ILKAP: variants seen among roughly 807,000 people sequenced by gnomAD.
ILKAP encodes integrin-linked kinase-associated serine/threonine phosphatase 2C.
Under a neutral mutation model 49.1 loss-of-function variants are expected in ILKAP, and 11 were observed. That is an observed-to-expected ratio of 0.22 (90% CI 0.14 to 0.37). The LOEUF is 0.37. Ranked by LOEUF, ILKAP falls within the 10% of genes least tolerant of loss-of-function variation. ILKAP has a pLI of 1.00. For missense variants in ILKAP, 363 were observed against 510.8 expected (o/e 0.71, Z 2.79); for synonymous variants, 186 against 192.8 (o/e 0.96, Z 0.29).
rs184981338 is a variant in ILKAP at position 238,174,361 on chromosome 2, G to A, written c.837-708C>T. 3.7e-4 allele frequency among the ~76,000 whole-genome samples: 56 copies of A among 152,330 alleles called. No individual in the cohort carries two copies. The East Asian group carries it at 0.011, about 29-fold the overall frequency. On this transcript the variant is annotated intron_variant, in intron 9 of 11. Transcript: ENST00000254654. ...CCTACTGCCCCAAAGAACAATTCTG[G>A]TCTAGGCTGCAGCACTGTCACCTTA...
At chr2:238,189,318 G>A (rs68054903) in intron 4 of ILKAP, among the ~76,000 whole-genome samples, 41,790 of 151,080 alleles carry the variant, frequency 0.28, 6,124 homozygotes, top group South Asian at 0.37. Flanking sequence ...TCAAAAAAAA[G>A]AGAAAAAAAG....
intron 1 of ILKAP, among the ~76,000 whole-genome samples, chr2:238,199,799 G>C (rs538980152): frequency 5.3e-5 from 8 of 150,122 alleles, no homozygotes; most frequent in Middle Eastern, 6.9e-3. Flanking sequence ...TAATCGTAGA[G>C]ACAGGGGTCT....
rs1351994140 is a variant in ILKAP, at chr2:238,171,036, G to A, written c.957-12C>T. ...CCAACAAAATGAACCTACAACACCA[G>A]GGAGAAATATAAACGGGTTTTAGGC... is the stretch of plus-strand genomic sequence containing the variant. On this transcript the variant is annotated splice_polypyrimidine_tract_variant and intron_variant, in intron 10 of 11. Coordinates refer to ENST00000254654, the MANE Select transcript of ILKAP (RefSeq NM_030768.3). 2 of 1,605,960 alleles carry A rather than the reference G, an allele frequency of 1.2e-6. No homozygotes were observed. The highest frequency in any genetic ancestry group is 2.2e-5 in the South Asian group (2 of 90,440).
intron 3 of ILKAP, among the ~76,000 whole-genome samples, chr2:238,190,678 C>T (rs959070895): frequency 6.6e-6 from 1 of 152,104 alleles, no homozygotes; most frequent in African/African-American, 2.4e-5. Flanking sequence ...GTGCCTAACA[C>T]ATCAATCTCC....
At chr2:238,196,773 ACAAAT>A (rs1323422511) in intron 1 of ILKAP, among the ~76,000 whole-genome samples, 2 of 152,262 alleles carry the variant, frequency 1.3e-5, no homozygotes. Flanking sequence ...TATCCCTAAT[ACAAAT>A]GGGAAAATGT....
At position 238,182,196 on chromosome 2, in the gene ILKAP, T is replaced by TG; in HGVS notation, c.715-11dup. Reference sequence around the variant, plus strand: ...AACGACACAAGATTGCCTGGGAAGATGGAGATTGTAATAGTCATGAAATTC... The same window carrying TG: ...AACGACACAAGATTGCCTGGGAAGATGGGAGATTGTAATAGTCATGAAATTC... On this transcript the variant is annotated splice_polypyrimidine_tract_variant and intron_variant, in intron 8 of 11. Coordinates refer to ENST00000254654, the MANE Select transcript of ILKAP (RefSeq NM_030768.3). 6.2e-7 allele frequency: 1 copy of TG among 1,612,964 alleles called. No homozygotes were observed.
chr2:238,183,877 A>T, intron 7 of ILKAP, 137 bp from the exon 8 acceptor site: 1 of 958,336 alleles, frequency 1.0e-6, no homozygotes, highest in African/African-American at 1.6e-5. Flanking sequence ...TCTGTTTTAG[A>T]TTTAGCTAAC....
chr2:238,201,641 G>A (rs1010225788), intron 1 of ILKAP, among the ~76,000 whole-genome samples: 1 of 152,198 alleles, frequency 6.6e-6, no homozygotes, highest in African/African-American at 2.4e-5. Flanking sequence ...ATTCTGAGTT[G>A]CCAGGTTTTT....
At chr2:238,197,284 T>G (rs534935069) in intron 1 of ILKAP, among the ~76,000 whole-genome samples, 1 of 152,198 alleles carries the variant, frequency 6.6e-6, no homozygotes, top group Non-Finnish European at 1.5e-5. Context: ...TAGGTCACTT[T>G]TGCCCAAACA....
chr2:238,176,091 GT>G (rs1281931246), intron 9 of ILKAP, among the ~76,000 whole-genome samples: 17 of 139,410 alleles, frequency 1.2e-4, no homozygotes, highest in Non-Finnish European at 4.6e-5. Context: ...CCTTCCCTCA[GT>G]TTCCCCCCCA....
intron 9 of ILKAP, among the ~76,000 whole-genome samples, chr2:238,174,273 C>T (rs1693351489): frequency 6.6e-6 from 1 of 152,150 alleles, no homozygotes; most frequent in African/African-American, 2.4e-5. Context: ...GGGCAGTGAT[C>T]TACAAATGGG....
intron 6 of ILKAP, among the ~76,000 whole-genome samples, chr2:238,184,424 G>A (rs112417511): frequency 0.055 from 8,329 of 152,174 alleles, 296 homozygotes; most frequent in Non-Finnish European, 0.079. Flanking sequence ...TCCTGACCTC[G>A]TGATCCACCT....
At chr2:238,186,553 AG>A (rs1693916316) in intron 5 of ILKAP, 1 of 152,218 alleles carries the variant, frequency 6.6e-6, no homozygotes, top group Admixed American at 6.5e-5. Context: ...TGACTGCATA[AG>A]AGCAGGGAGG....
intron 1 of ILKAP, among the ~76,000 whole-genome samples, chr2:238,202,100 C>T (rs1694594328): frequency 6.6e-6 from 1 of 152,158 alleles, no homozygotes; most frequent in African/African-American, 2.4e-5. Context: ...TGGTCGGCGC[C>T]TGTAATCTCA....
At chr2:238,190,022 A>G in intron 3 of ILKAP, 50 bp from the exon 4 acceptor site, 1 of 1,599,638 alleles carries the variant, frequency 6.3e-7, no homozygotes. Flanking sequence ...GACTGTTGGA[A>G]AAAGTCACTA....
intron 5 of ILKAP, chr2:238,185,709 C>G (rs1013418091): frequency 5.7e-5 from 9 of 157,288 alleles, no homozygotes; most frequent in Admixed American, 1.2e-4. Context: ...GAGGCTGAGG[C>G]AGGAGAATGG....
intron 9 of ILKAP, among the ~76,000 whole-genome samples, chr2:238,174,335 G>A (rs2880132): frequency 0.46 from 70,184 of 151,996 alleles, 16,421 homozygotes; most frequent in Middle Eastern, 0.59. Flanking sequence ...ATTTGGGGAA[G>A]CCTACTGCCC....
chr2:238,202,264 A>G (rs1176089168), intron 1 of ILKAP, among the ~76,000 whole-genome samples: 3 of 152,162 alleles, frequency 2.0e-5, no homozygotes, highest in Non-Finnish European at 4.4e-5. Flanking sequence ...GAATTACTGC[A>G]AATCACAAGC....
chr2:238,182,353 A>G (rs929169722), intron 8 of ILKAP, among the ~76,000 whole-genome samples, 167 bp from the exon 9 acceptor site: 2 of 152,252 alleles, frequency 1.3e-5, no homozygotes, highest in African/African-American at 4.8e-5. Flanking sequence ...CAAGCAGCAA[A>G]GAAGTGTCAA....
Sources: allele counts gnomAD v4.1 joint callset (sites outside exome capture counted in the v4.1 genomes callset), GRCh38; gene constraint gnomAD v4.1.1; transcripts MANE v1.5; gene names NCBI Gene and HGNC (gene_info 2026-07-23, HGNC 2026-07-21).